NAA16: variants seen among roughly 807,000 people sequenced by gnomAD.
NAA16 encodes the protein N-alpha-acetyltransferase 16, NatA auxiliary subunit, also known as NARG1-like protein.
A neutral mutation model predicts 110.3 loss-of-function variants in NAA16; 97 were observed. That is an observed-to-expected ratio of 0.88 (90% CI 0.75 to 1.04). NAA16 has a LOEUF of 1.04. Among genes scored for constraint, NAA16 ranks in the 50% least tolerant of loss-of-function variants. NAA16 has a pLI of 0.00. For missense variants in NAA16, 1,017 were observed against 1,005.1 expected, an observed-to-expected ratio of 1.01 and a Z score of -0.16; for synonymous variants, 372 against 330.6, an observed-to-expected ratio of 1.13 and a Z score of -1.36.
intron 4 of NAA16, among the ~76,000 whole-genome samples, chr13:41,321,621 A>G (rs1270909409): frequency 1.3e-5 from 2 of 152,354 alleles, no homozygotes; most frequent in Non-Finnish European, 2.9e-5. Flanking sequence ...TGGTTAGTAA[A>G]TATTTTAAAA....
rs117043446 is a variant in NAA16, at chr13:41,312,922, C to T, written c.54+1340C>T. Among the ~76,000 whole-genome samples the T allele has an allele frequency of 3.3e-4, 50 of 152,176 alleles. 1 individual carries two copies. In the East Asian group the frequency reaches 9.4e-3, roughly 29 times the overall value. ...GGCTTTGTATTTTTTTATTTTACTTCTCATGCCCTTTTATTTTACACAGCA... is the reference window on the plus strand; with the variant it reads ...GGCTTTGTATTTTTTTATTTTACTTTTCATGCCCTTTTATTTTACACAGCA... On this transcript the variant is annotated intron_variant, in intron 1 of 19. Transcript: ENST00000379406.
At chr13:41,340,315 GTGTC>G (rs2042501975) in intron 9 of NAA16, among the ~76,000 whole-genome samples, 1 of 152,000 alleles carries the variant, frequency 6.6e-6, no homozygotes, top group Non-Finnish European at 1.5e-5. Context: ...AGGGTTTTTT[GTGTC>G]TGTATTTCCT....
chr13:41,319,223 T>C (rs2041884437), intron 3 of NAA16, among the ~76,000 whole-genome samples: 1 of 152,186 alleles, frequency 6.6e-6, no homozygotes, highest in South Asian at 2.1e-4. Context: ...CTTTGGTAAT[T>C]GTGACTTGAA....
intron 2 of NAA16, among the ~76,000 whole-genome samples, chr13:41,318,481 C>T (rs1057419365): frequency 3.3e-5 from 5 of 152,106 alleles, no homozygotes; most frequent in Admixed American, 1.3e-4. Flanking sequence ...GGATTACAGG[C>T]GTGAGCCATT....
chr13:41,312,218 G>T (rs1194585392), intron 1 of NAA16, among the ~76,000 whole-genome samples: 1 of 152,212 alleles, frequency 6.6e-6, no homozygotes, highest in Non-Finnish European at 1.5e-5. Context: ...TTTCTGAGTT[G>T]TCACCAACTT....
At chr13:41,357,479 A>G (rs1359952258) in intron 10 of NAA16, among the ~76,000 whole-genome samples, 2 of 152,240 alleles carry the variant, frequency 1.3e-5, no homozygotes, top group Non-Finnish European at 2.9e-5. Context: ...ACAGAGTAGA[A>G]GCTTAACTCA....
At chr13:41,337,706 T>C (rs1462146358) in intron 9 of NAA16, among the ~76,000 whole-genome samples, 1 of 152,196 alleles carries the variant, frequency 6.6e-6, no homozygotes, top group African/African-American at 2.4e-5. Flanking sequence ...TTTTTTAAAG[T>C]TACTACTGGA....
chr13:41,375,523 C>T lies in NAA16; in HGVS notation c.2516C>T (p.Pro839Leu), dbSNP rs769096360. 1.9e-6 allele frequency: 3 copies of T among 1,614,060 alleles called. No homozygotes were observed. In the South Asian group the frequency reaches 3.3e-5, roughly 18 times the overall value. ...CTTCCTTTTACATCTGCCTTCTTGC[C>T]TGCTGTGAATGAAGTCGACAATCCT... ...NLLPFTSAFL[P>L]AVNEVDNPNV... Residue 839 changes from proline to leucine, a missense_variant, in exon 20 of 20, where the codon CCT (proline) becomes CTT (leucine). Transcript: ENST00000379406.
chr13:41,325,980 A>T (rs2042084100), intron 6 of NAA16, 129 bp downstream of exon 6: 1 of 624,326 alleles, frequency 1.6e-6, no homozygotes, highest in Non-Finnish European at 2.5e-6. Flanking sequence ...TTATTAAGCC[A>T]TTATTAACTA....
At chr13:41,374,952 G>A (rs574208195) in intron 19 of NAA16, 113 bp downstream of exon 19, 8 of 660,800 alleles carry the variant, frequency 1.2e-5, no homozygotes, top group African/African-American at 9.1e-5. Context: ...GTTAATCCCA[G>A]CTCTATCAAT....
intron 7 of NAA16, 106 bp downstream of exon 7, chr13:41,328,949 A>T: frequency 1.1e-6 from 1 of 946,006 alleles, no homozygotes; most frequent in East Asian, 2.7e-5. Flanking sequence ...ATTAGTACTC[A>T]TTTTTCCATT....
chr13:41,314,545 T>C (rs925065200), intron 1 of NAA16, among the ~76,000 whole-genome samples: 7 of 149,564 alleles, frequency 4.7e-5, no homozygotes, highest in East Asian at 1.9e-4. Flanking sequence ...TTTTTTTCCA[T>C]GAAGACTTTT....
chr13:41,314,913 A>G (rs1428081658), intron 1 of NAA16, among the ~76,000 whole-genome samples: 1 of 152,188 alleles, frequency 6.6e-6, no homozygotes, highest in Non-Finnish European at 1.5e-5. Flanking sequence ...AGGTGGGAAG[A>G]TCACTTGAGC....
At position 41,369,128 on chromosome 13, in the gene NAA16, A is replaced by C. The variant is rs2043264953; in HGVS notation, c.1792A>C (p.Lys598Gln). 6.3e-7 allele frequency: 1 copy of C among 1,574,966 alleles called. No homozygotes were observed. Among genetic ancestry groups the C allele is most frequent in the Non-Finnish European group, 8.6e-7 (1 of 1,169,444 alleles). Residue 598 changes from lysine (K) to glutamine (Q), a missense_variant, in exon 15 of 20, where the codon AAG becomes CAG. Lys to Gln is a moderately conservative substitution (Grantham distance 53). Transcript: ENST00000379406. ...SAKELKKMLS[K>Q]QRRAQKKAKL... ...CAAAGAATTGAAGAAAATGCTTAGC[A>C]AGCAGAGAAGAGCTCAGAAAAAGGC... is the stretch of plus-strand genomic sequence containing the variant.
chr13:41,331,970 G>C (rs1398331145), intron 8 of NAA16, among the ~76,000 whole-genome samples: 1 of 152,012 alleles, frequency 6.6e-6, no homozygotes, highest in Non-Finnish European at 1.5e-5. Flanking sequence ...TTTTTAAAAA[G>C]CACCGTATTT....
Position 41,375,657 on chromosome 13 carries a change from T to G in NAA16, c.*55T>G. On this transcript the variant is annotated 3_prime_UTR_variant, in exon 20 of 20. Transcript: ENST00000379406. ...TCAAAGCTGAATTGAGATCAGGGTT[T>G]CTTTTCCAGGGTGCATTTTAATATA... 1.5e-6 allele frequency: 2 copies of G among 1,374,376 alleles called. No individual in the cohort carries two copies. Among genetic ancestry groups the G allele is most frequent in the Non-Finnish European group, 2.0e-6 (2 of 1,007,690 alleles). 85.1% of individuals were successfully genotyped at this position (1,374,376 alleles called of 1,614,324 possible). A position where few individuals can be genotyped will look rare whatever the true frequency, so the allele number is the denominator to read the frequency against.
chr13:41,335,260 A>G (rs2042349921), intron 8 of NAA16, among the ~76,000 whole-genome samples: 1 of 152,208 alleles, frequency 6.6e-6, no homozygotes, highest in Non-Finnish European at 1.5e-5. Context: ...TACGTGCAAG[A>G]CATTGTTTAC....
intron 1 of NAA16, 85 bp from the exon 2 acceptor site, chr13:41,316,761 T>C (rs2041821184): frequency 1.2e-6 from 1 of 861,230 alleles, no homozygotes; most frequent in Non-Finnish European, 1.9e-6. Flanking sequence ...TTTTGGATCT[T>C]GAGTTTAGAA....
At chr13:41,347,681 G>T (rs919902047) in intron 9 of NAA16, among the ~76,000 whole-genome samples, 1 of 152,154 alleles carries the variant, frequency 6.6e-6, no homozygotes, top group African/African-American at 2.4e-5. Flanking sequence ...GTTGATTTTT[G>T]TATGTTGATT....
Sources: allele counts gnomAD v4.1 joint callset (sites outside exome capture counted in the v4.1 genomes callset), GRCh38; gene constraint gnomAD v4.1.1; transcripts MANE v1.5; gene names NCBI Gene and HGNC (gene_info 2026-07-23, HGNC 2026-07-21).